Variants in ADGRV1 observed in about 807,000 individuals in gnomAD.
ADGRV1 encodes the protein G-protein coupled receptor 98.
Under a neutral mutation model 596.2 loss-of-function variants are expected in ADGRV1, and 359 were observed. The ratio of observed to expected loss-of-function variants is 0.60; its 90% CI spans 0.55 to 0.66. The LOEUF (loss-of-function observed/expected upper bound fraction) is 0.66, where lower values mean the gene tolerates loss of function less well. Among genes scored for constraint, ADGRV1 ranks in the 30% least tolerant of loss-of-function variants. ADGRV1 has a pLI of 0.00. For missense variants in ADGRV1, 7,274 were observed against 7,575.6 expected, an observed-to-expected ratio of 0.96 and a Z score of 1.48; for synonymous variants, 2,681 against 2,679.2, an observed-to-expected ratio of 1.00 and a Z score of -0.02.
At chr5:91,132,673 G>A (rs986200338) in intron 87 of ADGRV1, among the ~76,000 whole-genome samples, 2 of 152,252 alleles carry the variant, frequency 1.3e-5, no homozygotes, top group Non-Finnish European at 2.9e-5. Flanking sequence ...AGTGAAATCA[G>A]ATGGCTGATG....
chr5:90,970,599 T>A (rs1038463630), intron 84 of ADGRV1, among the ~76,000 whole-genome samples: 1 of 147,574 alleles, frequency 6.8e-6, no homozygotes, highest in African/African-American at 2.6e-5. Context: ...AAACAGGGTC[T>A]GGAGTGGACC....
intron 85 of ADGRV1, among the ~76,000 whole-genome samples, chr5:90,987,963 T>C (rs977091666): frequency 1.3e-5 from 2 of 152,182 alleles, no homozygotes; most frequent in African/African-American, 4.8e-5. Context: ...TCCTTAGCTC[T>C]TTGAGATTGC....
chr5:91,049,284 A>G (rs900833601), intron 85 of ADGRV1, among the ~76,000 whole-genome samples: 3 of 152,156 alleles, frequency 2.0e-5, no homozygotes, highest in African/African-American at 7.2e-5. Flanking sequence ...GTTTATCCCC[A>G]TAAATTCACA....
rs1754778905 is a variant in ADGRV1, at chr5:90,747,684, A to G, written c.10974+1889A>G. Among the ~76,000 whole-genome samples the G allele has an allele frequency of 2.6e-5, 4 of 152,276 alleles. No homozygotes were observed. In the South Asian group the frequency reaches 8.3e-4, roughly 32 times the overall value. ...GGCACCCTCTGCCTGGCACATACCA[A>G]AATTCTAGACTCTCAGAAAGAAATG... is the stretch of plus-strand genomic sequence containing the variant. On this transcript the variant is annotated intron_variant, in intron 52 of 89. Coordinates refer to ENST00000405460, the MANE Select transcript of ADGRV1 (RefSeq NM_032119.4).
chr5:91,129,486 A>G (rs1794034962), intron 87 of ADGRV1, among the ~76,000 whole-genome samples: 1 of 152,180 alleles, frequency 6.6e-6, no homozygotes, highest in Non-Finnish European at 1.5e-5. Flanking sequence ...TCATAGATCA[A>G]AGTTTGATCC....
chr5:91,066,405 CT>C (rs1023220668), intron 85 of ADGRV1, among the ~76,000 whole-genome samples: 4 of 151,536 alleles, frequency 2.6e-5, no homozygotes, highest in Admixed American at 6.6e-5. Flanking sequence ...GGCGAGGCTA[CT>C]TTTTTTTTCT....
chr5:90,791,399 G>A, intron 70 of ADGRV1, 53 bp downstream of exon 70: 2 of 1,296,300 alleles, frequency 1.5e-6, no homozygotes, highest in Non-Finnish European at 2.1e-6. Flanking sequence ...CCTTTCAGGA[G>A]TGCCCATGCT....
chr5:91,103,489 A>G (rs190869730), intron 87 of ADGRV1, among the ~76,000 whole-genome samples: 12 of 151,630 alleles, frequency 7.9e-5, no homozygotes, highest in African/African-American at 2.9e-4. Flanking sequence ...GGGCAGAGCC[A>G]TCAGGGCAGA....
chr5:90,854,305 A>G (rs1766816914), intron 81 of ADGRV1, 104 bp downstream of exon 81: 9 of 741,140 alleles, frequency 1.2e-5, no homozygotes, highest in Middle Eastern at 6.4e-4. Flanking sequence ...CCCAGATGAC[A>G]TTAGACTGGA....
chr5:90,938,186 A>C (rs780871835), intron 83 of ADGRV1, among the ~76,000 whole-genome samples: 2 of 152,112 alleles, frequency 1.3e-5, no homozygotes, highest in African/African-American at 2.4e-5. Flanking sequence ...AGCCTGGTTG[A>C]GTAAGAGGGG....
At chr5:90,697,173 T>C (rs1220439013) in intron 34 of ADGRV1, 27 bp downstream of exon 34, 1 of 1,572,086 alleles carries the variant, frequency 6.4e-7, no homozygotes, top group South Asian at 1.1e-5. Flanking sequence ...GTTAAGCATA[T>C]TCATTTTCTT....
intron 85 of ADGRV1, among the ~76,000 whole-genome samples, chr5:91,071,769 G>A (rs905494305): frequency 6.6e-6 from 1 of 151,988 alleles, no homozygotes; most frequent in South Asian, 2.1e-4. Flanking sequence ...CTGCCTCCCG[G>A]TTTCAAGCAA....
At chr5:90,709,294 C>A (rs2149709161) in intron 39 of ADGRV1, among the ~76,000 whole-genome samples, 1 of 152,166 alleles carries the variant, frequency 6.6e-6, no homozygotes. Context: ...TTCTTTGTTG[C>A]TTTATTGTGT....
At chr5:90,893,254 G>A (rs553151939) in intron 83 of ADGRV1, among the ~76,000 whole-genome samples, 2 of 152,104 alleles carry the variant, frequency 1.3e-5, no homozygotes, top group Admixed American at 1.3e-4. Flanking sequence ...TCACCTTTTG[G>A]GCTTTTTATA....
In ADGRV1 at chr5:90,777,885, A is replaced by G. The variant is rs1416782918; in HGVS notation, c.12528-20A>G. 5 of 1,587,908 alleles carry G rather than the reference A, an allele frequency of 3.1e-6. No homozygotes were observed. The highest frequency in any genetic ancestry group is 3.4e-6 in the Non-Finnish European group (4 of 1,162,130). The stretch of plus-strand genomic sequence containing the variant: ...CCTTCAACTGAAATGTATTGGATAT[A>G]CATTTGTTTATTGTTGTAGCCTTGT... On this transcript the variant is annotated intron_variant, in intron 61 of 89. Transcript: ENST00000405460.
At position 90,694,674 on chromosome 5, in the gene ADGRV1, G is replaced by T. The variant is rs764964956; in HGVS notation, c.7918G>T (p.Ala2640Ser). ...TATEGLDFIG[A>S]GEILTFAEGE... ...TACTGAAGGTTTAGATTTTATAGGT[G>T]CTGGAGAGATTCTGACCTTTGCTGA... Residue 2640 changes from alanine (A) to serine (S), a missense_variant, in exon 33 of 90, where the codon GCT becomes TCT. Coordinates refer to ENST00000405460, the MANE Select transcript of ADGRV1 (RefSeq NM_032119.4). 1 of 1,598,528 alleles carries T rather than the reference G, an allele frequency of 6.3e-7. No homozygotes were observed. Among genetic ancestry groups the T allele is most frequent in the Non-Finnish European group, 8.5e-7 (1 of 1,171,686 alleles).
chr5:91,071,981 A>G (rs1290927205), intron 85 of ADGRV1, among the ~76,000 whole-genome samples: 1 of 152,058 alleles, frequency 6.6e-6, no homozygotes, highest in Admixed American at 6.6e-5. Flanking sequence ...CCCGCCTATA[A>G]TCCTTATTTT....
chr5:91,101,249 G>A lies in ADGRV1; in HGVS notation c.18311-970G>A, dbSNP rs59760061. ...ATTGTACTCTACTTGCACGTCTTCT[G>A]TATGTTTGAGATTGTTTCCAAGTAA... is the stretch of plus-strand genomic sequence containing the variant. On this transcript the variant is annotated intron_variant, in intron 86 of 89. Transcript: ENST00000405460. 4.9e-3 allele frequency among the ~76,000 whole-genome samples: 745 copies of A among 152,292 alleles called. 9 individuals carry two copies. The highest frequency in any genetic ancestry group is 0.017 in the African/African-American group (689 of 41,560).
At chr5:90,604,436 A>G (rs1761818132) in intron 1 of ADGRV1, among the ~76,000 whole-genome samples, 2 of 152,214 alleles carry the variant, frequency 1.3e-5, no homozygotes, top group African/African-American at 2.4e-5. Flanking sequence ...TAAAAATTAG[A>G]TAATACTACT....
Sources: gnomAD v4.1 joint callset for allele counts (sites outside exome capture counted in the v4.1 genomes callset) on GRCh38, gnomAD v4.1.1 for gene constraint, MANE v1.5 for transcripts, NCBI Gene and HGNC (gene_info 2026-07-23, HGNC 2026-07-21) for gene names.